Variants in AFF4 observed in about 807,000 individuals in gnomAD.
AFF4 encodes the protein ALF transcription elongation factor 4.
In AFF4, 13 loss-of-function variants were observed where a neutral mutation model predicts 124.8. The ratio of observed to expected loss-of-function variants is 0.10; its 90% CI spans 0.07 to 0.17. AFF4 has a LOEUF of 0.17. AFF4 is among the 10% of genes least tolerant of loss of function. The pLI is 1.00. For synonymous variants in AFF4, 477 were observed against 496.1 expected (o/e 0.96, Z 0.51); for missense variants, 1,092 against 1,403.8 (o/e 0.78, Z 3.55).
intron 18 of AFF4, among the ~76,000 whole-genome samples, 179 bp from the exon 19 acceptor site, chr5:132,885,298 T>C (rs1760086875): frequency 6.6e-6 from 1 of 150,936 alleles, no homozygotes; most frequent in African/African-American, 2.4e-5. Context: ...AAGAAATAAA[T>C]TATTAGGTGA....
intron 10 of AFF4, 35 bp from the exon 11 acceptor site, chr5:132,897,275 T>C (rs775812667): frequency 1.3e-6 from 2 of 1,583,262 alleles, no homozygotes; most frequent in South Asian, 1.2e-5. Flanking sequence ...CTTTTTTCGA[T>C]ACTGAATGCT....
intron 5 of AFF4, among the ~76,000 whole-genome samples, chr5:132,913,139 T>C (rs1760832202): frequency 6.6e-6 from 1 of 152,200 alleles, no homozygotes; most frequent in Non-Finnish European, 1.5e-5. Flanking sequence ...AAGCTGGAGC[T>C]GATCATATTA....
chr5:132,906,574 ATAGAG>A (rs1229367795), intron 5 of AFF4, among the ~76,000 whole-genome samples: 2 of 152,324 alleles, frequency 1.3e-5, no homozygotes, highest in South Asian at 2.1e-4. Flanking sequence ...ATCTATAGAG[ATAGAG>A]TAGATTAGTG....
intron 1 of AFF4, among the ~76,000 whole-genome samples, chr5:132,955,858 A>T (rs1761945497): frequency 6.8e-6 from 1 of 146,904 alleles, no homozygotes; most frequent in Non-Finnish European, 1.5e-5. Flanking sequence ...TATTACATAG[A>T]TTATATAGTA....
At chr5:132,887,494 G>A in intron 17 of AFF4, 27 bp downstream of exon 17, 1 of 1,593,154 alleles carries the variant, frequency 6.3e-7, no homozygotes, top group Non-Finnish European at 8.6e-7. Flanking sequence ...CCTGTATCTA[G>A]CAGAGGCTAG....
At chr5:132,948,176 A>G (rs1761745803) in intron 1 of AFF4, among the ~76,000 whole-genome samples, 1 of 151,810 alleles carries the variant, frequency 6.6e-6, no homozygotes, top group African/African-American at 2.4e-5. Context: ...TCAGCCTCCC[A>G]AACAGCTGGG....
intron 5 of AFF4, among the ~76,000 whole-genome samples, chr5:132,908,674 A>G (rs1441920992): frequency 6.6e-6 from 1 of 150,626 alleles, no homozygotes; most frequent in African/African-American, 2.4e-5. Flanking sequence ...AACAATGACA[A>G]TATTATTGTT....
rs745451545 is a variant in AFF4, at chr5:132,897,099, T to G, written c.1531A>C (p.Thr511Pro). ...GYKKEGREQGTGNSYTDTSGP... is the reference protein window; with the variant it reads ...GYKKEGREQGPGNSYTDTSGP... The stretch of plus-strand genomic sequence containing the variant: ...CTTGTATCAGTGTAGCTATTCCCAG[T>G]GCCCTGCTCTCGGCCTTCCTTTTTG... Residue 511 changes from threonine (T) to proline (P), a missense_variant, in exon 11 of 21, where the codon ACT becomes CCT. Coordinates refer to ENST00000265343, the MANE Select transcript of AFF4 (RefSeq NM_014423.4). 2 of 1,614,202 alleles carry G rather than the reference T, an allele frequency of 1.2e-6. No individual in the cohort carries two copies. The highest frequency in any genetic ancestry group is 2.2e-5 in the South Asian group (2 of 91,082).
At chr5:132,897,292 G>A (rs557779871) in intron 10 of AFF4, 52 bp from the exon 11 acceptor site, 22 of 1,555,750 alleles carry the variant, frequency 1.4e-5, no homozygotes, top group Middle Eastern at 1.8e-4. Context: ...TGCTTTTTTC[G>A]TTCTCCCTCC....
intron 5 of AFF4, among the ~76,000 whole-genome samples, chr5:132,924,891 A>G (rs911508700): frequency 6.6e-6 from 1 of 151,886 alleles, no homozygotes; most frequent in Non-Finnish European, 1.5e-5. Flanking sequence ...ATAACAGTGC[A>G]TTGGCCAGGT....
At chr5:132,883,717 T>G (rs1245098620) in intron 19 of AFF4, among the ~76,000 whole-genome samples, 157 bp from the exon 20 acceptor site, 3 of 152,232 alleles carry the variant, frequency 2.0e-5, no homozygotes, top group African/African-American at 7.2e-5. Flanking sequence ...AAATAAGTAC[T>G]ATAATCTTGT....
chr5:132,945,835 C>G, intron 1 of AFF4, among the ~76,000 whole-genome samples: 1 of 151,818 alleles, frequency 6.6e-6, no homozygotes, highest in East Asian at 1.9e-4. Flanking sequence ...CTGAGGCAGG[C>G]GGATCATCTG....
chr5:132,885,026 T>C, intron 19 of AFF4, 50 bp downstream of exon 19: 2 of 1,441,022 alleles, frequency 1.4e-6, no homozygotes, highest in Non-Finnish European at 1.9e-6. Context: ...ACCATACTCA[T>C]TTCACTTTTA....
intron 1 of AFF4, among the ~76,000 whole-genome samples, chr5:132,956,891 G>C (rs368355584): frequency 6.6e-6 from 1 of 150,684 alleles, no homozygotes; most frequent in African/African-American, 2.4e-5. Context: ...ATGGTGGCAG[G>C]TGCCTGTAAT....
intron 4 of AFF4, among the ~76,000 whole-genome samples, chr5:132,931,106 CAAAA>C (rs35923089): frequency 2.1e-5 from 2 of 96,826 alleles, no homozygotes; most frequent in Non-Finnish European, 2.0e-5. Context: ...AACTCTGGCT[CAAAA>C]AAAAAAAAAA....
In AFF4 at chr5:132,904,411, A is replaced by G. The variant is rs1411836801; in HGVS notation, c.1051-7T>C. 3 of 1,605,098 alleles carry G rather than the reference A, an allele frequency of 1.9e-6. No individual in the cohort carries two copies. Among genetic ancestry groups the G allele is most frequent in the Non-Finnish European group, 2.6e-6 (3 of 1,176,232 alleles). On this transcript the variant is annotated splice_region_variant and splice_polypyrimidine_tract_variant and intron_variant, in intron 5 of 20. Transcript: ENST00000265343. ...AATTGGACTGCTGAGACTCCTAAGA[A>G]AAAGGAACATAAAATTATACAAAGT...
At chr5:132,955,820 A>C (rs1443931255) in intron 1 of AFF4, among the ~76,000 whole-genome samples, 3 of 146,010 alleles carry the variant, frequency 2.1e-5, no homozygotes, top group Non-Finnish European at 4.5e-5. Flanking sequence ...ATATACACAC[A>C]CACACACAAA....
In AFF4 at chr5:132,876,097, A is replaced by C. The variant is rs755706173; in HGVS notation, c.*4962T>G. On this transcript the variant is annotated 3_prime_UTR_variant, in exon 21 of 21. Transcript: ENST00000265343. ...TAAAACCATTCAAAACGGAGGCTAG[A>C]TAGAAATTTTCATAACTGTGCTTAC... is the stretch of plus-strand genomic sequence containing the variant. 4.4e-6 allele frequency: 1 copy of C among 229,658 alleles called. No individual in the cohort carries two copies. The highest frequency in any genetic ancestry group is 8.6e-6 in the Non-Finnish European group (1 of 115,930). 14.2% of individuals were successfully genotyped at this position (229,658 alleles called of 1,614,324 possible). A position where few individuals can be genotyped will look rare whatever the true frequency, so the allele number is the denominator to read the frequency against.
intron 20 of AFF4, 31 bp from the exon 21 acceptor site, chr5:132,881,217 A>T: frequency 6.2e-7 from 1 of 1,607,516 alleles, no homozygotes; most frequent in Non-Finnish European, 8.5e-7. Flanking sequence ...ATTAAATGAT[A>T]TATACTCTTT....
Sources: gnomAD v4.1 joint callset for allele counts (sites outside exome capture counted in the v4.1 genomes callset) on GRCh38, gnomAD v4.1.1 for gene constraint, MANE v1.5 for transcripts, NCBI Gene and HGNC (gene_info 2026-07-23, HGNC 2026-07-21) for gene names.